Variants in NPSR1 observed in about 807,000 individuals in gnomAD.
NPSR1 encodes the protein neuropeptide S receptor 1.
A neutral mutation model predicts 46.9 loss-of-function variants in NPSR1; 48 were observed. The ratio of observed to expected loss-of-function variants is 1.02; its 90% CI spans 0.81 to 1.30. The LOEUF (loss-of-function observed/expected upper bound fraction) is 1.30. Ranked by LOEUF, NPSR1 falls within the 50% of genes most tolerant of loss-of-function variation. The pLI is 0.00. For missense variants in NPSR1, 450 were observed against 449.5 expected (o/e 1.00, Z -0.01); for synonymous variants, 176 against 168.1 (o/e 1.05, Z -0.36).
chr7:34,809,460 ATTTTT>A (rs1157591101), intron 3 of NPSR1, among the ~76,000 whole-genome samples: 44 of 110,826 alleles, frequency 4.0e-4, no homozygotes, highest in Admixed American at 2.8e-3. Flanking sequence ...TCACCCAGGT[ATTTTT>A]TTTTTTTTTT....
Position 34,821,127 on chromosome 7 carries a change from C to CTT in NPSR1, c.479-6249_479-6248dup, listed in dbSNP as rs35086136. ...TTTACATTCATGGATTTGTGATACACTTTTTTTTTTTTTTTTTTTTTTTTT... is the reference window on the plus strand; with the variant it reads ...TTTACATTCATGGATTTGTGATACACTTTTTTTTTTTTTTTTTTTTTTTTTTT... On this transcript the variant is annotated intron_variant, in intron 4 of 8. Coordinates refer to ENST00000360581, the MANE Select transcript of NPSR1 (RefSeq NM_207172.2). 2.4e-3 allele frequency among the ~76,000 whole-genome samples: 224 copies of CTT among 94,892 alleles called. 13 individuals carry two copies. The highest frequency in any genetic ancestry group is 6.8e-3 in the Middle Eastern group (1 of 148). 62.3% of individuals were successfully genotyped at this position (94,892 alleles called of 152,430 possible). A position where few individuals can be genotyped will look rare whatever the true frequency, so the allele number is the denominator to read the frequency against.
intron 5 of NPSR1, among the ~76,000 whole-genome samples, chr7:34,832,348 C>T (rs1265081505): frequency 6.6e-6 from 1 of 152,134 alleles, no homozygotes; most frequent in Non-Finnish European, 1.5e-5. Flanking sequence ...AGCCTGGCAG[C>T]ATGGTGAAAC....
intron 2 of NPSR1, among the ~76,000 whole-genome samples, chr7:34,717,136 T>C (rs145898223): frequency 8.5e-5 from 13 of 152,354 alleles, no homozygotes; most frequent in Non-Finnish European, 1.6e-4. Flanking sequence ...GTCTTTTTTG[T>C]TTGATTGTTT....
chr7:34,824,213 T>G (rs2128754819), intron 4 of NPSR1, among the ~76,000 whole-genome samples: 1 of 152,364 alleles, frequency 6.6e-6, no homozygotes, highest in South Asian at 2.1e-4. Context: ...TCGCTTATTT[T>G]TATTTGCTAG....
intron 2 of NPSR1, among the ~76,000 whole-genome samples, chr7:34,732,637 C>T (rs1221253522): frequency 6.6e-6 from 1 of 152,090 alleles, no homozygotes; most frequent in Admixed American, 6.6e-5. Flanking sequence ...TTGGACTGCC[C>T]TATTTGTGAT....
chr7:34,714,161 C>T (rs1783439987), intron 2 of NPSR1, among the ~76,000 whole-genome samples: 1 of 152,230 alleles, frequency 6.6e-6, no homozygotes, highest in African/African-American at 2.4e-5. Flanking sequence ...TTCCTCCTCA[C>T]TTGGGCCTCT....
intron 2 of NPSR1, among the ~76,000 whole-genome samples, chr7:34,766,876 G>A (rs1025086235): frequency 2.0e-5 from 3 of 152,078 alleles, no homozygotes; most frequent in African/African-American, 7.2e-5. Context: ...CCCGGCCTAT[G>A]ATGAATTTTT....
chr7:34,794,906 G>A (rs969492285), intron 3 of NPSR1, among the ~76,000 whole-genome samples: 2 of 152,114 alleles, frequency 1.3e-5, no homozygotes, highest in African/African-American at 2.4e-5. Context: ...AAGCATGGTG[G>A]TGCATACCTG....
intron 2 of NPSR1, among the ~76,000 whole-genome samples, chr7:34,699,493 T>C (rs375826601): frequency 6.6e-6 from 1 of 152,202 alleles, no homozygotes; most frequent in East Asian, 1.9e-4. Flanking sequence ...TAATATAAAC[T>C]GTGTGGCTCA....
chr7:34,754,655 A>T (rs1025487730), intron 2 of NPSR1, among the ~76,000 whole-genome samples: 1 of 152,176 alleles, frequency 6.6e-6, no homozygotes. Flanking sequence ...ATAACAATAC[A>T]GTTCACCCAT....
At chr7:34,761,889 A>G (rs1280275983) in intron 2 of NPSR1, among the ~76,000 whole-genome samples, 3 of 152,176 alleles carry the variant, frequency 2.0e-5, no homozygotes, top group Non-Finnish European at 4.4e-5. Flanking sequence ...GAGGAGAAAT[A>G]GTGGAGGCTC....
chr7:34,703,018 C>T (rs1189567095), intron 2 of NPSR1, among the ~76,000 whole-genome samples: 3 of 152,326 alleles, frequency 2.0e-5, no homozygotes, highest in East Asian at 3.9e-4. Context: ...AGATTCTCTC[C>T]GTTCCTCCCT....
chr7:34,823,786 T>A (rs780926403), intron 4 of NPSR1, among the ~76,000 whole-genome samples: 12 of 152,154 alleles, frequency 7.9e-5, no homozygotes, highest in Admixed American at 2.0e-4. Context: ...GAGTACAGTA[T>A]AACCACCGGA....
chr7:34,848,610 C>T lies in NPSR1; in HGVS notation c.972C>T (p.Ala324=), dbSNP rs2128765106. The T allele has an allele frequency of 6.2e-7, 1 of 1,614,172 alleles. No individual in the cohort carries two copies. The highest frequency in any genetic ancestry group is 8.5e-7 in the Non-Finnish European group (1 of 1,180,036). The change falls in exon 8 of 9, where the codon GCC becomes GCT. Residue 324 remains alanine (A), a synonymous_variant. Coordinates refer to ENST00000360581, the MANE Select transcript of NPSR1 (RefSeq NM_207172.2). ...AGAACCTGCCAGCATTGAATAGTGC[C>T]ATCAACCCCCTCATCTACTGTGTCT... ...IIQNLPALNS[A]INPLIYCVFS...
intron 8 of NPSR1, among the ~76,000 whole-genome samples, chr7:34,877,723 G>A (rs13227114): frequency 3.3e-5 from 5 of 152,170 alleles, no homozygotes; most frequent in East Asian, 1.9e-4. Flanking sequence ...TGGCTGCAGA[G>A]TCACTAGAGT....
intron 2 of NPSR1, among the ~76,000 whole-genome samples, chr7:34,695,391 TTAGAC>T (rs1275957664): frequency 4.5e-4 from 69 of 152,120 alleles, no homozygotes; most frequent in African/African-American, 1.5e-3. Flanking sequence ...CTACTGGACA[TTAGAC>T]TAGGCAAAGA....
downstream of NPSR1, among the ~76,000 whole-genome samples, chr7:34,852,077 C>T (rs1018142963): frequency 1.3e-5 from 2 of 152,080 alleles, no homozygotes; most frequent in African/African-American, 4.8e-5. Flanking sequence ...GTGGGCGGAT[C>T]GTGAGGCCAG....
chr7:34,865,412 G>C (rs773752556), intron 8 of NPSR1, among the ~76,000 whole-genome samples: 74 of 151,746 alleles, frequency 4.9e-4, no homozygotes, highest in Middle Eastern at 6.8e-3. Flanking sequence ...ATGAAAAAGA[G>C]GGCGAGGCTG....
At chr7:34,688,712 C>T (rs1793065547) in intron 2 of NPSR1, among the ~76,000 whole-genome samples, 1 of 152,238 alleles carries the variant, frequency 6.6e-6, no homozygotes, top group Admixed American at 6.5e-5. Context: ...GCACCTGCTC[C>T]TCCAGATCAG....
Sources: allele counts gnomAD v4.1 joint callset (sites outside exome capture counted in the v4.1 genomes callset), GRCh38; gene constraint gnomAD v4.1.1; transcripts MANE v1.5; gene names NCBI Gene and HGNC (gene_info 2026-07-23, HGNC 2026-07-21).